The following KIAA1191 variants were observed in gnomAD, a reference collection of about 807,000 sequenced individuals.
KIAA1191 encodes putative monooxygenase p33MONOX.
KIAA1191 carries 22 observed loss-of-function variants against 31.1 expected under a neutral mutation model. The observed-to-expected ratio is 0.71, with a 90% CI of 0.51 to 1.01. The LOEUF (loss-of-function observed/expected upper bound fraction) is 1.01, where lower values mean the gene tolerates loss of function less well. KIAA1191 is among the 50% of genes least tolerant of loss of function. The pLI, the probability that KIAA1191 is intolerant of heterozygous loss-of-function variation, is 0.00. For synonymous variants in KIAA1191, 130 were observed against 143.9 expected (o/e 0.90, Z 0.69); for missense variants, 319 against 388.0 (o/e 0.82, Z 1.49).
In KIAA1191 at chr5:176,347,546, A is replaced by G; in HGVS notation, c.*54T>C. 1 of 1,343,470 alleles carries G rather than the reference A, an allele frequency of 7.4e-7. No homozygotes were observed. Among genetic ancestry groups the G allele is most frequent in the Non-Finnish European group, 1.0e-6 (1 of 1,003,250 alleles). The allele number at this position is 1,343,470 out of a possible 1,614,324, so 83.2% of individuals were successfully genotyped here. On this transcript the variant is annotated 3_prime_UTR_variant, in exon 9 of 9. Coordinates refer to ENST00000298569, the MANE Select transcript of KIAA1191 (RefSeq NM_020444.5). ...CTTTCCTATGTCAAAGCCAAGGTAA[A>G]AGGGGAGTGGGATGCAAGAAACCAC...
At chr5:176,359,289 A>T (rs1767787243) in intron 3 of KIAA1191, among the ~76,000 whole-genome samples, 192 bp downstream of exon 3, 1 of 152,162 alleles carries the variant, frequency 6.6e-6, no homozygotes, top group Non-Finnish European at 1.5e-5. Flanking sequence ...GCTGCACTCC[A>T]GCCTGGGCAA....
At chr5:176,357,182 T>A (rs187340434) in intron 3 of KIAA1191, 5 of 152,178 alleles carry the variant, frequency 3.3e-5, no homozygotes, top group Admixed American at 3.3e-4. Context: ...GTGCCTGTAG[T>A]CCCAGCTACT....
intron 3 of KIAA1191, among the ~76,000 whole-genome samples, chr5:176,357,488 A>G (rs909787869): frequency 2.6e-5 from 4 of 152,186 alleles, no homozygotes; most frequent in Non-Finnish European, 5.9e-5. Context: ...TTGCTAGACA[A>G]TTACATCCCT....
Position 176,347,493 on chromosome 5 carries a change from G to A in KIAA1191, c.*107C>T, listed in dbSNP as rs1388427587. ...TGGGATTACAGGCGTGAGCCACCAC[G>A]CCCAGCTGATTAAGTTTTTAAATAT... On this transcript the variant is annotated 3_prime_UTR_variant, in exon 9 of 9. Coordinates refer to ENST00000298569, the MANE Select transcript of KIAA1191 (RefSeq NM_020444.5). 3.2e-6 allele frequency: 3 copies of A among 934,710 alleles called. No individual in the cohort carries two copies. The highest frequency in any genetic ancestry group is 2.8e-5 in the Admixed American group (1 of 36,112). 57.9% of individuals were successfully genotyped at this position (934,710 alleles called of 1,614,324 possible). A position where few individuals can be genotyped will look rare whatever the true frequency, so the allele number is the denominator to read the frequency against.
At chr5:176,356,983 C>T (rs1021895401) in intron 3 of KIAA1191, among the ~76,000 whole-genome samples, 8 of 152,026 alleles carry the variant, frequency 5.3e-5, no homozygotes, top group African/African-American at 1.9e-4. Context: ...GCTAATGGTA[C>T]GAGGTTTTCC....
Position 176,355,945 on chromosome 5 carries a change from TCCACTTAAC to T in KIAA1191, c.29-205_29-197del. 1.6e-6 allele frequency: 1 copy of T among 614,456 alleles called. No individual in the cohort carries two copies. Among genetic ancestry groups the T allele is most frequent in the Middle Eastern group, 4.3e-4 (1 of 2,332 alleles). 38.1% of individuals were successfully genotyped at this position (614,456 alleles called of 1,614,324 possible). Reference sequence around the variant, plus strand: ...CCTCTATGCCTGACACCTTGGGTGGTCCACTTAACCCACTCAGCCGTCCTAATCCTTTTT... The same window carrying T: ...CCTCTATGCCTGACACCTTGGGTGGTCCACTCAGCCGTCCTAATCCTTTTT... On this transcript the variant is annotated intron_variant, in intron 3 of 8. Coordinates refer to ENST00000298569, the MANE Select transcript of KIAA1191 (RefSeq NM_020444.5). This position sits in a 1 kb window ranked among gnomAD's most constrained non-coding sequence, Gnocchi z 4.2.
At chr5:176,349,763 G>T (rs940773081) in intron 6 of KIAA1191, among the ~76,000 whole-genome samples, 2 of 152,206 alleles carry the variant, frequency 1.3e-5, no homozygotes, top group South Asian at 4.1e-4. Flanking sequence ...TCTTTCCTGC[G>T]TCGTGTGCTC....
At position 176,346,408 on chromosome 5, in the gene KIAA1191, G is replaced by C. The variant is rs187699589; in HGVS notation, c.*1192C>G. On this transcript the variant is annotated 3_prime_UTR_variant, in exon 9 of 9. Transcript: ENST00000298569. ...TCCCCGCACAGGCGTTCCAGGCCCT[G>C]ACCTGAACAAGGAAATCAAAGTAAG... is the stretch of plus-strand genomic sequence containing the variant. The C allele has an allele frequency of 6.6e-6, 1 of 152,238 alleles. No homozygotes were observed. The highest frequency in any genetic ancestry group is 1.5e-5 in the Non-Finnish European group (1 of 68,046). The allele number at this position is 152,238 out of a possible 1,614,324, so 9.4% of individuals were successfully genotyped here. A position where few individuals can be genotyped will look rare whatever the true frequency, so the allele number is the denominator to read the frequency against.
chr5:176,347,845 C>G (rs746050105), intron 8 of KIAA1191, 37 bp from the exon 9 acceptor site: 3 of 1,605,670 alleles, frequency 1.9e-6, no homozygotes, highest in Admixed American at 3.4e-5. Context: ...GATTTCAAAA[C>G]CAGTAAACAG....
chr5:176,349,636 G>C (rs900943492), intron 6 of KIAA1191, among the ~76,000 whole-genome samples: 3 of 152,122 alleles, frequency 2.0e-5, no homozygotes, highest in Non-Finnish European at 4.4e-5. Flanking sequence ...TCACAACACT[G>C]TACTCCAGCC....
At chr5:176,352,844 A>C in intron 4 of KIAA1191, 96 bp from the exon 5 acceptor site, 2 of 1,307,206 alleles carry the variant, frequency 1.5e-6, no homozygotes, top group Non-Finnish European at 1.0e-6. Context: ...CTGAAATAAC[A>C]TTAATCTGGT....
intron 5 of KIAA1191, 87 bp from the exon 6 acceptor site, chr5:176,350,824 C>A: frequency 6.6e-7 from 1 of 1,514,568 alleles, no homozygotes; most frequent in East Asian, 2.3e-5. Context: ...CTATTCTCCC[C>A]AGAAGCAAGA....
chr5:176,355,237 G>GA lies in KIAA1191; in HGVS notation c.207+333dup, dbSNP rs1374824440. ...GGCCATTCTAGTTTTGAATTAAAAA[G>GA]AAAAAAAAAAGGAGGGAGATTTAAA... On this transcript the variant is annotated intron_variant, in intron 4 of 8. Coordinates refer to ENST00000298569, the MANE Select transcript of KIAA1191 (RefSeq NM_020444.5). The surrounding 1 kb of genome is among the most constrained non-coding windows in gnomAD (Gnocchi z 4.2). Among the ~76,000 whole-genome samples the GA allele has an allele frequency of 1.3e-4, 19 of 142,624 alleles. No homozygotes were observed. The highest frequency in any genetic ancestry group is 4.1e-4 in the East Asian group (2 of 4,916). 93.6% of individuals were successfully genotyped at this position (142,624 alleles called of 152,430 possible). A position where few individuals can be genotyped will look rare whatever the true frequency, so the allele number is the denominator to read the frequency against.
Position 176,348,352 on chromosome 5 carries a change from A to G in KIAA1191, c.464T>C (p.Leu155Pro), listed in dbSNP as rs1260680492. ...YLRVAEALHKLKLQSGEVTKE... is the reference protein window; with the variant it reads ...YLRVAEALHKPKLQSGEVTKE... ...TGTTACCTCTCCACTCTGTAACTTT[A>G]GTTTCTGCTCAGATGGGTAAGAAGA... is the stretch of plus-strand genomic sequence containing the variant. Residue 155 changes from leucine to proline, a missense_variant, in exon 7 of 9, where the codon CTA (leucine) becomes CCA (proline). Leu to Pro is a moderately conservative substitution (Grantham distance 98). Transcript: ENST00000298569. The G allele has an allele frequency of 1.9e-6, 3 of 1,612,290 alleles. No homozygotes were observed. In the East Asian group the frequency reaches 6.7e-5, roughly 36 times the overall value.
At position 176,353,506 on chromosome 5, in the gene KIAA1191, G is replaced by A. The variant is rs539221416; in HGVS notation, c.208-758C>T. 7 of 152,328 alleles carry A rather than the reference G, an allele frequency of 4.6e-5. No homozygotes were observed. The South Asian group carries it at 1.5e-3, about 32-fold the overall frequency. 9.4% of individuals were successfully genotyped at this position (152,328 alleles called of 1,614,324 possible). A position where few individuals can be genotyped will look rare whatever the true frequency, so the allele number is the denominator to read the frequency against. The stretch of plus-strand genomic sequence containing the variant: ...GAACTGAGAAGAAAGTAAGATGGTT[G>A]AAAAGGGGGGACAGATAAAAAGTAA... On this transcript the variant is annotated intron_variant, in intron 4 of 8. Transcript: ENST00000298569.
intron 7 of KIAA1191, 34 bp downstream of exon 7, chr5:176,348,216 G>C: frequency 6.3e-7 from 1 of 1,599,532 alleles, no homozygotes; most frequent in Non-Finnish European, 8.6e-7. Flanking sequence ...CCTGAAGCAC[G>C]CAGGAACTCG....
At chr5:176,356,258 G>A (rs1345185091) in intron 3 of KIAA1191, 1 of 164,554 alleles carries the variant, frequency 6.1e-6, no homozygotes, top group Non-Finnish European at 1.3e-5. Context: ...TCCCACAGAA[G>A]CCACCCCCTA....
rs748032608 is a variant in KIAA1191 at position 176,347,502 on chromosome 5, A to T, written c.*98T>A. On this transcript the variant is annotated 3_prime_UTR_variant, in exon 9 of 9. Transcript: ENST00000298569. Reference sequence around the variant, plus strand: ...AGGCGTGAGCCACCACGCCCAGCTGATTAAGTTTTTAAATATACCTTTCCT... The same window carrying T: ...AGGCGTGAGCCACCACGCCCAGCTGTTTAAGTTTTTAAATATACCTTTCCT... 4 of 1,030,482 alleles carry T rather than the reference A, an allele frequency of 3.9e-6. No individual in the cohort carries two copies. The highest frequency in any genetic ancestry group is 5.4e-6 in the Non-Finnish European group (4 of 743,616). The allele number at this position is 1,030,482 out of a possible 1,614,324, so 63.8% of individuals were successfully genotyped here.
intron 5 of KIAA1191, among the ~76,000 whole-genome samples, chr5:176,352,009 TGAA>T (rs1161988043): frequency 1.3e-5 from 2 of 151,960 alleles, no homozygotes; most frequent in Admixed American, 6.6e-5. Flanking sequence ...CCCTCCAGAA[TGAA>T]GAAGTTTAGT....
Sources: gnomAD v4.1 joint callset for allele counts (sites outside exome capture counted in the v4.1 genomes callset) on GRCh38, gnomAD v4.1.1 for gene constraint, Gnocchi (gnomAD v3.1) non-coding constraint, MANE v1.5 for transcripts, NCBI Gene and HGNC (gene_info 2026-07-23, HGNC 2026-07-21) for gene names.